Variants in ESRRG observed in about 807,000 individuals in gnomAD.
The protein encoded by ESRRG is estrogen-related receptor gamma.
In ESRRG, 13 loss-of-function variants were observed where a neutral mutation model predicts 44.0. That is an observed-to-expected ratio of 0.30 (90% CI 0.19 to 0.47). The LOEUF (loss-of-function observed/expected upper bound fraction) is 0.47. Ranked by LOEUF, ESRRG falls within the 20% of genes least tolerant of loss-of-function variation. The pLI, the probability that ESRRG is intolerant of heterozygous loss-of-function variation, is 1.00. For synonymous variants in ESRRG, 215 were observed against 214.6 expected, an observed-to-expected ratio of 1.00 and a Z score of -0.02; for missense variants, 395 against 580.6, an observed-to-expected ratio of 0.68 and a Z score of 3.29.
intron 3 of ESRRG, among the ~76,000 whole-genome samples, chr1:216,600,919 C>T (rs976051121): frequency 2.0e-5 from 3 of 152,202 alleles, no homozygotes; most frequent in African/African-American, 7.2e-5. Context: ...CACATTTATT[C>T]AGCCCAATCT....
At chr1:216,745,056 T>C (rs978348161) in intron 2 of ESRRG, among the ~76,000 whole-genome samples, 3 of 152,328 alleles carry the variant, frequency 2.0e-5, no homozygotes, top group East Asian at 1.9e-4. Flanking sequence ...TCTTTTATAA[T>C]GGGATGTCGG....
At chr1:216,931,238 G>A (rs1043743902) in intron 2 of ESRRG, among the ~76,000 whole-genome samples, 3 of 152,008 alleles carry the variant, frequency 2.0e-5, no homozygotes, top group Non-Finnish European at 2.9e-5. Context: ...TAATCATTTT[G>A]GGGGAAGGTA....
At chr1:216,799,553 A>G (rs150575457) in intron 2 of ESRRG, among the ~76,000 whole-genome samples, 2 of 152,304 alleles carry the variant, frequency 1.3e-5, no homozygotes, top group Admixed American at 6.5e-5. Flanking sequence ...AAGACTGAAT[A>G]TAAGAATGTA....
intron 1 of ESRRG, among the ~76,000 whole-genome samples, chr1:217,137,090 T>C (rs1032367544): frequency 2.0e-5 from 3 of 152,054 alleles, no homozygotes; most frequent in Non-Finnish European, 4.4e-5. Context: ...CGGAGGACAG[T>C]GGTGCTTTTT....
At chr1:216,529,452 A>G (rs947673635) in intron 5 of ESRRG, among the ~76,000 whole-genome samples, 2 of 152,212 alleles carry the variant, frequency 1.3e-5, no homozygotes, top group Admixed American at 1.3e-4. Flanking sequence ...GATCAAAAAT[A>G]TGCTTTTTAA....
chr1:216,848,555 A>G (rs1465277125), intron 2 of ESRRG, among the ~76,000 whole-genome samples: 1 of 152,158 alleles, frequency 6.6e-6, no homozygotes, highest in Non-Finnish European at 1.5e-5. Context: ...ACAAAAATTA[A>G]TAGCTACCCA....
At chr1:216,836,774 G>A (rs1364137433) in intron 2 of ESRRG, among the ~76,000 whole-genome samples, 1 of 152,194 alleles carries the variant, frequency 6.6e-6, no homozygotes, top group Non-Finnish European at 1.5e-5. Context: ...TCCTTGTGCA[G>A]CCGAATCAAA....
intron 2 of ESRRG, among the ~76,000 whole-genome samples, chr1:216,833,513 T>C (rs17044063): frequency 0.16 from 24,602 of 152,138 alleles, 2,204 homozygotes; most frequent in African/African-American, 0.21. Flanking sequence ...AGTTTGGTCC[T>C]TCTTCAAGAT....
At chr1:216,879,347 T>G (rs1282308361) in intron 2 of ESRRG, among the ~76,000 whole-genome samples, 1 of 152,046 alleles carries the variant, frequency 6.6e-6, no homozygotes, top group Non-Finnish European at 1.5e-5. Flanking sequence ...TCTCTGCAAT[T>G]GCCATGACAG....
At chr1:216,704,344 T>C (rs1252930866) in intron 1 of ESRRG, among the ~76,000 whole-genome samples, 20 of 152,240 alleles carry the variant, frequency 1.3e-4, no homozygotes, top group Admixed American at 1.3e-3. Flanking sequence ...TGAAACCCTA[T>C]CTCTACTAAA....
chr1:216,986,539 C>T (rs755224540), intron 1 of ESRRG, among the ~76,000 whole-genome samples: 11 of 151,814 alleles, frequency 7.2e-5, no homozygotes, highest in African/African-American at 1.2e-4. Context: ...AGAGAAACCT[C>T]GTCTCTGTAA....
chr1:216,640,644 G>C (rs998409158), intron 3 of ESRRG, among the ~76,000 whole-genome samples: 1 of 152,160 alleles, frequency 6.6e-6, no homozygotes, highest in Non-Finnish European at 1.5e-5. Flanking sequence ...TGGAGTAGAA[G>C]TCTGCATAGC....
chr1:216,679,633 CTT>C (rs369793478), intron 1 of ESRRG, among the ~76,000 whole-genome samples: 6 of 140,830 alleles, frequency 4.3e-5, no homozygotes, highest in Non-Finnish European at 4.6e-5. Flanking sequence ...TTTTTTTTTT[CTT>C]TTTTTTTTTT....
At chr1:217,114,028 G>A (rs1289326359) in intron 1 of ESRRG, among the ~76,000 whole-genome samples, 1 of 151,866 alleles carries the variant, frequency 6.6e-6, no homozygotes, top group Non-Finnish European at 1.5e-5. Flanking sequence ...AATTGGACTG[G>A]GAGAGAGTAG....
chr1:217,133,893 C>A (rs1003182696), intron 1 of ESRRG, among the ~76,000 whole-genome samples: 4 of 152,138 alleles, frequency 2.6e-5, no homozygotes, highest in Non-Finnish European at 4.4e-5. Context: ...ACCTCCAGCA[C>A]CTGAATTCCA....
intron 1 of ESRRG, among the ~76,000 whole-genome samples, chr1:216,682,513 C>T (rs2077193555): frequency 6.6e-6 from 1 of 152,090 alleles, no homozygotes; most frequent in African/African-American, 2.4e-5. Flanking sequence ...GAGTCCTCAG[C>T]TCCTCTGTGT....
At chr1:217,109,408 C>G (rs1157285274) in intron 1 of ESRRG, among the ~76,000 whole-genome samples, 1 of 152,050 alleles carries the variant, frequency 6.6e-6, no homozygotes, top group African/African-American at 2.4e-5. Context: ...ATCTTTAGCC[C>G]AAGCAAGCAG....
intron 2 of ESRRG, among the ~76,000 whole-genome samples, chr1:216,745,850 C>A (rs1359006600): frequency 6.6e-6 from 1 of 152,066 alleles, no homozygotes; most frequent in Non-Finnish European, 1.5e-5. Flanking sequence ...ATGTAGAAGG[C>A]AATTATCTAT....
rs78290134 is a variant in ESRRG, at chr1:216,591,948, A to T, written c.590-23850T>A. 4.6e-5 allele frequency among the ~76,000 whole-genome samples: 7 copies of T among 152,248 alleles called. No homozygotes were observed. In the East Asian group the frequency reaches 1.4e-3, roughly 29 times the overall value. ...TCTCCAAGGGGGAAAGAGCAACTTT[A>T]TAGTGGAAAAGCCTGGTAGATACCC... On this transcript the variant is annotated intron_variant, in intron 3 of 6. Transcript: ENST00000408911.
Sources: gnomAD v4.1 joint callset for allele counts (sites outside exome capture counted in the v4.1 genomes callset) on GRCh38, gnomAD v4.1.1 for gene constraint, MANE v1.5 for transcripts, NCBI Gene and HGNC (gene_info 2026-07-23, HGNC 2026-07-21) for gene names.